The following CACNB2 variants were observed in gnomAD, a reference collection of about 807,000 sequenced individuals.
CACNB2 encodes the protein voltage-dependent L-type calcium channel subunit beta-2.
In CACNB2, 42 loss-of-function variants were observed where a neutral mutation model predicts 73.3. That is an observed-to-expected ratio of 0.57 (90% CI 0.45 to 0.74). The LOEUF (loss-of-function observed/expected upper bound fraction) is 0.74. Among genes scored for constraint, CACNB2 ranks in the 30% least tolerant of loss-of-function variants. CACNB2 has a pLI of 0.00. For missense variants in CACNB2, 940 were observed against 853.0 expected (o/e 1.10, Z -1.27); for synonymous variants, 348 against 310.3 (o/e 1.12, Z -1.28).
intron 3 of CACNB2, among the ~76,000 whole-genome samples, chr10:18,494,358 G>A (rs1185396581): frequency 3.3e-5 from 5 of 152,024 alleles, no homozygotes; most frequent in Non-Finnish European, 5.9e-5. Context: ...GGCTGGGTGC[G>A]GTGGCTCACG....
At chr10:18,513,495 C>T in intron 6 of CACNB2, 1 of 308,374 alleles carries the variant, frequency 3.2e-6, no homozygotes, top group Non-Finnish European at 6.5e-6. Flanking sequence ...CCCTCGTCTC[C>T]TTTGCAAAGC....
chr10:18,233,087 A>G (rs1305482756), intron 2 of CACNB2, among the ~76,000 whole-genome samples: 1 of 152,218 alleles, frequency 6.6e-6, no homozygotes, highest in Non-Finnish European at 1.5e-5. Context: ...CCTGTCTCAA[A>G]TAAATAAATA....
intron 3 of CACNB2, among the ~76,000 whole-genome samples, chr10:18,489,823 A>ATCCAG (rs1310905901): frequency 2.0e-5 from 3 of 152,160 alleles, no homozygotes; most frequent in Non-Finnish European, 4.4e-5. Flanking sequence ...TTCTCAACAA[A>ATCCAG]TATTGATTGG....
intron 2 of CACNB2, among the ~76,000 whole-genome samples, chr10:18,359,907 A>T (rs1036834454): frequency 6.6e-6 from 1 of 152,182 alleles, no homozygotes; most frequent in African/African-American, 2.4e-5. Flanking sequence ...GAGTGGTACT[A>T]AAGAGTCCTG....
intron 2 of CACNB2, among the ~76,000 whole-genome samples, chr10:18,171,521 G>GAAAAGAAAAAAAAAAAAA (rs2033230393): frequency 3.1e-5 from 1 of 32,588 alleles, no homozygotes; most frequent in Non-Finnish European, 5.7e-5. Context: ...TTTGATAGCA[G>GAAAAGAAAAAAAAAAAAA]AAAAAAAAAA....
At chr10:18,249,970 C>G (rs1309958905) in intron 2 of CACNB2, among the ~76,000 whole-genome samples, 1 of 152,152 alleles carries the variant, frequency 6.6e-6, no homozygotes, top group Non-Finnish European at 1.5e-5. Context: ...TCAGCCCCAT[C>G]TCCCCCCTTC....
At chr10:18,169,522 G>A (rs1013775393) in intron 2 of CACNB2, among the ~76,000 whole-genome samples, 7 of 152,212 alleles carry the variant, frequency 4.6e-5, no homozygotes, top group Admixed American at 3.3e-4. Context: ...ATAATTGTAC[G>A]GGAAAAATAT....
At chr10:18,320,852 T>C (rs2040373577) in intron 2 of CACNB2, among the ~76,000 whole-genome samples, 1 of 152,188 alleles carries the variant, frequency 6.6e-6, no homozygotes, top group Non-Finnish European at 1.5e-5. Context: ...ACATTTTGGA[T>C]GCTCTCAATA....
chr10:18,448,481 A>T (rs1175848709), intron 3 of CACNB2, among the ~76,000 whole-genome samples: 7 of 63,344 alleles, frequency 1.1e-4, no homozygotes, highest in East Asian at 8.3e-4. Flanking sequence ...CTCTCATTTA[A>T]AAAAAAAAAA....
chr10:18,242,385 A>T (rs947942716), intron 2 of CACNB2, among the ~76,000 whole-genome samples: 2 of 152,220 alleles, frequency 1.3e-5, no homozygotes, highest in Non-Finnish European at 2.9e-5. Flanking sequence ...AAAACAAATC[A>T]TAATTAGAAT....
At chr10:18,305,218 G>A (rs1036107431) in intron 2 of CACNB2, among the ~76,000 whole-genome samples, 2 of 152,190 alleles carry the variant, frequency 1.3e-5, no homozygotes, top group Non-Finnish European at 2.9e-5. Context: ...TAAATGCTAT[G>A]AGGCTGAGAC....
At chr10:18,344,787 T>G (rs1341299126) in intron 2 of CACNB2, among the ~76,000 whole-genome samples, 1 of 152,090 alleles carries the variant, frequency 6.6e-6, no homozygotes, top group East Asian at 1.9e-4. Context: ...AATAATAAAA[T>G]AAAATAAAAC....
chr10:18,172,502 T>G (rs894916883), intron 2 of CACNB2, among the ~76,000 whole-genome samples: 1 of 152,192 alleles, frequency 6.6e-6, no homozygotes, highest in African/African-American at 2.4e-5. Flanking sequence ...TTTGTAATTT[T>G]TTTTCAAACT....
chr10:18,498,531 A>G, intron 4 of CACNB2, 54 bp downstream of exon 4: 1 of 1,581,084 alleles, frequency 6.3e-7, no homozygotes, highest in Non-Finnish European at 8.7e-7. Flanking sequence ...TTGACATACC[A>G]TTTCTTATTT....
At chr10:18,442,787 TGCACTCCAGCCTG>T (rs1190203090) in intron 3 of CACNB2, among the ~76,000 whole-genome samples, 17 of 149,878 alleles carry the variant, frequency 1.1e-4, no homozygotes, top group Admixed American at 7.4e-4. Context: ...ATGGCGCCAT[TGCACTCCAGCCTG>T]GTGACAGAGC....
At chr10:18,209,878 G>A (rs531189803) in intron 2 of CACNB2, among the ~76,000 whole-genome samples, 16 of 152,162 alleles carry the variant, frequency 1.1e-4, no homozygotes, top group African/African-American at 2.2e-4. Context: ...ATATATTTTC[G>A]TAAAGATAAA....
rs1269946436 is a variant in CACNB2, at chr10:18,442,946, ATATATATATATGTATATATATATG to A, written c.333+40905_333+40928del. 3.4e-5 allele frequency among the ~76,000 whole-genome samples: 2 copies of A among 58,240 alleles called. 1 individual carries two copies. Among genetic ancestry groups the A allele is most frequent in the African/African-American group, 1.2e-4 (2 of 16,730 alleles). The allele number at this position is 58,240 out of a possible 152,430, so 38.2% of individuals were successfully genotyped here. A position where few individuals can be genotyped will look rare whatever the true frequency, so the allele number is the denominator to read the frequency against. ...TATATGTATATATATATATATGTGTATATATATATATGTATATATATATGTGTATATATATATATGTATATATAT... is the reference window on the plus strand; with the variant it reads ...TATATGTATATATATATATATGTGTATGTATATATATATATGTATATATAT... On this transcript the variant is annotated intron_variant, in intron 3 of 13. Transcript: ENST00000324631.
intron 2 of CACNB2, among the ~76,000 whole-genome samples, chr10:18,226,274 A>T (rs1053174966): frequency 3.3e-5 from 5 of 151,694 alleles, no homozygotes; most frequent in African/African-American, 1.2e-4. Flanking sequence ...TGATCCATTC[A>T]CCTCAGCCTC....
intron 3 of CACNB2, among the ~76,000 whole-genome samples, chr10:18,443,849 G>A (rs974062703): frequency 2.6e-5 from 4 of 152,000 alleles, no homozygotes; most frequent in Admixed American, 2.6e-4. Flanking sequence ...CAAGTAGCTG[G>A]GGTTACAGGT....
Sources: allele counts gnomAD v4.1 joint callset (sites outside exome capture counted in the v4.1 genomes callset), GRCh38; gene constraint gnomAD v4.1.1; transcripts MANE v1.5; gene names NCBI Gene and HGNC (gene_info 2026-07-23, HGNC 2026-07-21).